Variants in SNX27 observed in about 807,000 individuals in gnomAD.
The protein encoded by SNX27 is sorting nexin-27.
In SNX27, 22 loss-of-function variants were observed where a neutral mutation model predicts 71.6. The observed-to-expected ratio is 0.31, with a 90% CI of 0.22 to 0.44. The LOEUF (loss-of-function observed/expected upper bound fraction) is 0.44. SNX27 is among the 20% of genes least tolerant of loss of function. The probability of loss-of-function intolerance (pLI) is 1.00; values close to 1 mark genes in which losing one functional copy is unlikely to be tolerated. For missense variants in SNX27, 531 were observed against 698.6 expected, an observed-to-expected ratio of 0.76 and a Z score of 2.70; for synonymous variants, 269 against 277.2, an observed-to-expected ratio of 0.97 and a Z score of 0.29.
At chr1:151,618,950 C>G (rs1667552291) in intron 1 of SNX27, among the ~76,000 whole-genome samples, 1 of 151,436 alleles carries the variant, frequency 6.6e-6, no homozygotes, top group Non-Finnish European at 1.5e-5. Flanking sequence ...TTTAAAATAT[C>G]TTTTAAAAAA....
chr1:151,634,852 AT>A (rs1668400147), intron 1 of SNX27, among the ~76,000 whole-genome samples: 1 of 152,166 alleles, frequency 6.6e-6, no homozygotes, highest in African/African-American at 2.4e-5. Context: ...ATTTTGTTGT[AT>A]TTGCTTAATC....
At chr1:151,692,876 A>G (rs1671522020) in intron 9 of SNX27, 35 bp from the exon 10 acceptor site, 1 of 1,613,510 alleles carries the variant, frequency 6.2e-7, no homozygotes, top group African/African-American at 1.3e-5. Flanking sequence ...TCTGAAACAC[A>G]GACTGTACCT....
chr1:151,654,824 C>T (rs1669599902), intron 2 of SNX27, among the ~76,000 whole-genome samples: 1 of 152,142 alleles, frequency 6.6e-6, no homozygotes, highest in Admixed American at 6.5e-5. Flanking sequence ...TCAATAATGA[C>T]ATTAATCACG....
chr1:151,660,957 G>A (rs1669939948), intron 4 of SNX27, 95 bp downstream of exon 4: 1 of 934,666 alleles, frequency 1.1e-6, no homozygotes, highest in Admixed American at 1.7e-5. Context: ...ATTTCCATAA[G>A]CTCTCCAAAG....
chr1:151,643,280 A>ATTTATTTATTTAT (rs1668867337), intron 2 of SNX27, among the ~76,000 whole-genome samples: 1 of 145,542 alleles, frequency 6.9e-6, no homozygotes, highest in African/African-American at 2.5e-5. Flanking sequence ...TTATTTATTT[A>ATTTATTTATTTAT]TTTATTTATT....
At chr1:151,645,792 C>A (rs1571806931) in intron 2 of SNX27, among the ~76,000 whole-genome samples, 2 of 152,302 alleles carry the variant, frequency 1.3e-5, no homozygotes, top group Middle Eastern at 6.8e-3. Context: ...AGGGCAAAGC[C>A]CTCTTAATGC....
Position 151,639,035 on chromosome 1 carries a change from A to T in SNX27, c.459A>T (p.Ser153=), listed in dbSNP as rs559474076. The change falls in exon 2 of 12, where the codon TCA becomes TCT. Residue 153 remains serine (S), a synonymous_variant. Coordinates refer to ENST00000458013, the MANE Select transcript of SNX27 (RefSeq NM_001330723.2). ...LDPSDDSLGQ[S]FYDYTEKQAV... ...CCAGTGACGACTCGTTGGGACAATC[A>T]TTTTATGATTACACAGAAAAGCAAG... The T allele has an allele frequency of 6.2e-7, 1 of 1,614,184 alleles. No individual in the cohort carries two copies. Among genetic ancestry groups the T allele is most frequent in the South Asian group, 1.1e-5 (1 of 91,088 alleles).
chr1:151,631,011 G>A (rs1408065434), intron 1 of SNX27, among the ~76,000 whole-genome samples: 2 of 152,186 alleles, frequency 1.3e-5, no homozygotes, highest in South Asian at 2.1e-4. Flanking sequence ...TAGCCTGGGC[G>A]ACAGAGTGAG....
chr1:151,627,720 G>C lies in SNX27; in HGVS notation c.312-11168G>C, dbSNP rs190772898. Reference sequence around the variant, plus strand: ...TAGGATTACAGGTGTAAGCCACTGCGCCTGGCCAAGGTTCACTCTTTGTTC... The same window carrying C: ...TAGGATTACAGGTGTAAGCCACTGCCCCTGGCCAAGGTTCACTCTTTGTTC... On this transcript the variant is annotated intron_variant, in intron 1 of 11. Transcript: ENST00000458013. Among the ~76,000 whole-genome samples the C allele has an allele frequency of 5.3e-5, 8 of 149,608 alleles. No homozygotes were observed. In the South Asian group the frequency reaches 1.7e-3, roughly 32 times the overall value.
chr1:151,646,631 A>G (rs1363506903), intron 2 of SNX27, among the ~76,000 whole-genome samples: 1 of 148,350 alleles, frequency 6.7e-6, no homozygotes, highest in Non-Finnish European at 1.5e-5. Context: ...TATATATAGT[A>G]TAACACTGTA....
intron 1 of SNX27, among the ~76,000 whole-genome samples, chr1:151,630,626 C>A (rs181616634): frequency 3.4e-4 from 52 of 152,306 alleles, no homozygotes; most frequent in African/African-American, 1.1e-3. Context: ...TTGTTTAAAT[C>A]TGTTCAAGCT....
chr1:151,679,350 TAATG>T (rs1369772815), intron 7 of SNX27: 1 of 152,254 alleles, frequency 6.6e-6, no homozygotes, highest in Non-Finnish European at 1.5e-5. Context: ...CTAATGGTAA[TAATG>T]AACCTTTTCC....
chr1:151,615,918 A>C (rs1007064882), intron 1 of SNX27: 4 of 673,866 alleles, frequency 5.9e-6, no homozygotes, highest in Non-Finnish European at 7.3e-6. Context: ...CTCTGTCCTA[A>C]TCTTTAGTCC....
chr1:151,616,360 A>C (rs891506743), intron 1 of SNX27, among the ~76,000 whole-genome samples: 14 of 152,266 alleles, frequency 9.2e-5, no homozygotes, highest in Admixed American at 9.2e-4. Flanking sequence ...TGTATTTTTG[A>C]AGGATTAGTT....
chr1:151,673,852 T>C (rs934246256), intron 7 of SNX27, among the ~76,000 whole-genome samples: 3 of 152,222 alleles, frequency 2.0e-5, no homozygotes, highest in African/African-American at 7.2e-5. Flanking sequence ...TAAGTATAGC[T>C]ACTTCTGTTC....
At chr1:151,659,621 C>T (rs1669866725) in intron 3 of SNX27, 1 of 152,232 alleles carries the variant, frequency 6.6e-6, no homozygotes, top group South Asian at 2.1e-4. Context: ...GATGGTGAAA[C>T]ATTTGTCTAG....
intron 7 of SNX27, among the ~76,000 whole-genome samples, chr1:151,681,747 G>GAATAAGCAA (rs1452933155): frequency 2.0e-5 from 3 of 151,458 alleles, no homozygotes; most frequent in Non-Finnish European, 2.9e-5. Context: ...TTAGCTCCCT[G>GAATAAGCAA]TTGTTTATTT....
At chr1:151,641,629 A>C (rs1314471198) in intron 2 of SNX27, among the ~76,000 whole-genome samples, 13 of 120,078 alleles carry the variant, frequency 1.1e-4, no homozygotes, top group South Asian at 2.8e-4. Context: ...ATATATATAT[A>C]TCATATGTAT....
chr1:151,685,098 C>G (rs952257942), intron 8 of SNX27, among the ~76,000 whole-genome samples: 1 of 151,980 alleles, frequency 6.6e-6, no homozygotes, highest in Non-Finnish European at 1.5e-5. Flanking sequence ...CGTAAGCTAC[C>G]GTGCCAGGCC....
Sources: allele counts gnomAD v4.1 joint callset (sites outside exome capture counted in the v4.1 genomes callset), GRCh38; gene constraint gnomAD v4.1.1; transcripts MANE v1.5; gene names NCBI Gene and HGNC (gene_info 2026-07-23, HGNC 2026-07-21).